Variants in MAST4 observed in about 807,000 individuals in gnomAD.
MAST4 encodes the protein microtubule associated serine/threonine kinase family member 4.
MAST4 carries 89 observed loss-of-function variants against 162.7 expected under a neutral mutation model. The ratio of observed to expected loss-of-function variants is 0.55; its 90% CI spans 0.46 to 0.65. The LOEUF is 0.65. Among genes scored for constraint, MAST4 ranks in the 30% least tolerant of loss-of-function variants. The pLI is 0.00. For synonymous variants in MAST4, 1,479 were observed against 1,361.1 expected (o/e 1.09, Z -1.91); for missense variants, 3,153 against 3,374.0 (o/e 0.93, Z 1.62).
chr5:67,049,023 G>GTATATATATATACACGTATATATATA (rs1554087410), intron 4 of MAST4, among the ~76,000 whole-genome samples: 46 of 85,506 alleles, frequency 5.4e-4, no homozygotes, highest in Non-Finnish European at 9.1e-4. Context: ...ATATATATAC[G>GTATATATATATACACGTATATATATA]TATATATATA....
chr5:67,132,372 A>G (rs1445454663), intron 16 of MAST4, among the ~76,000 whole-genome samples: 2 of 152,076 alleles, frequency 1.3e-5, no homozygotes, highest in South Asian at 4.2e-4. Context: ...ATCAGCAACA[A>G]GAGAAAAAGA....
At chr5:66,767,273 G>A (rs1754145331) in intron 2 of MAST4, among the ~76,000 whole-genome samples, 1 of 151,748 alleles carries the variant, frequency 6.6e-6, no homozygotes, top group Admixed American at 6.6e-5. Context: ...CTAGATAAGA[G>A]ATGGGGGAGC....
At chr5:66,640,821 A>G (rs977943144) in intron 1 of MAST4, among the ~76,000 whole-genome samples, 4 of 152,022 alleles carry the variant, frequency 2.6e-5, no homozygotes, top group African/African-American at 9.7e-5. Flanking sequence ...GTTTTTCATA[A>G]TGGCTGTACT....
intron 5 of MAST4, among the ~76,000 whole-genome samples, chr5:67,072,632 G>A (rs1224821037): frequency 1.3e-5 from 2 of 152,178 alleles, no homozygotes; most frequent in Non-Finnish European, 2.9e-5. Flanking sequence ...AGAGAATTCA[G>A]TGAATAAGTT....
At chr5:66,748,364 C>T (rs1432506330) in intron 1 of MAST4, among the ~76,000 whole-genome samples, 1 of 151,600 alleles carries the variant, frequency 6.6e-6, no homozygotes, top group Non-Finnish European at 1.5e-5. Context: ...AACAGAGCAG[C>T]AGGATTTATA....
intron 4 of MAST4, among the ~76,000 whole-genome samples, chr5:67,009,481 T>G (rs1177586812): frequency 6.6e-6 from 1 of 152,200 alleles, no homozygotes; most frequent in Middle Eastern, 3.2e-3. Context: ...GTTAACATCT[T>G]GACTGTATGA....
chr5:66,639,316 TAAG>T (rs912920866), intron 1 of MAST4, among the ~76,000 whole-genome samples: 5 of 65,792 alleles, frequency 7.6e-5, no homozygotes, highest in Non-Finnish European at 1.5e-4. Context: ...GTGTGTGTTT[TAAG>T]AAGAAACAGA....
rs184630275 is a variant in MAST4 at position 66,861,371 on chromosome 5, G to A, written c.643-38580G>A. 2.2e-3 allele frequency among the ~76,000 whole-genome samples: 331 copies of A among 152,336 alleles called. 5 individuals carry two copies. The highest frequency in any genetic ancestry group is 0.02 in the Admixed American group (300 of 15,306). Reference sequence around the variant, plus strand: ...CACTAATAACCAACATTTATGAAGTGTTTACTCATGCCACGGATGTGCTGA... The same window carrying A: ...CACTAATAACCAACATTTATGAAGTATTTACTCATGCCACGGATGTGCTGA... On this transcript the variant is annotated intron_variant, in intron 3 of 28. Coordinates refer to ENST00000403625, the MANE Select transcript of MAST4 (RefSeq NM_001164664.2).
At chr5:66,860,852 C>T (rs367599690) in intron 3 of MAST4, among the ~76,000 whole-genome samples, 3 of 151,306 alleles carry the variant, frequency 2.0e-5, no homozygotes, top group African/African-American at 7.3e-5. Flanking sequence ...TGCCACTAGG[C>T]GCCTGGGACA....
intron 3 of MAST4, among the ~76,000 whole-genome samples, chr5:66,832,672 T>C (rs1420140166): frequency 1.3e-5 from 2 of 152,204 alleles, no homozygotes; most frequent in East Asian, 3.8e-4. Context: ...TAATTATGGG[T>C]ATGTTTACAC....
intron 4 of MAST4, among the ~76,000 whole-genome samples, chr5:66,953,694 T>C (rs1403192548): frequency 6.6e-6 from 1 of 151,896 alleles, no homozygotes; most frequent in African/African-American, 2.4e-5. Context: ...TGCAATGAAA[T>C]CAGAATCGAC....
At chr5:66,781,227 AG>A (rs1344387771) in intron 2 of MAST4, among the ~76,000 whole-genome samples, 1 of 152,204 alleles carries the variant, frequency 6.6e-6, no homozygotes, top group African/African-American at 2.4e-5. Context: ...AGATTAAGCA[AG>A]GGAGATTTTA....
intron 1 of MAST4, among the ~76,000 whole-genome samples, chr5:66,621,668 A>T (rs1308650216): frequency 6.6e-6 from 1 of 152,202 alleles, no homozygotes; most frequent in Non-Finnish European, 1.5e-5. Flanking sequence ...ATACCAATTT[A>T]TTCATTCCTC....
intron 1 of MAST4, among the ~76,000 whole-genome samples, chr5:66,605,211 T>A (rs1335597268): frequency 6.6e-6 from 1 of 152,036 alleles, no homozygotes; most frequent in East Asian, 1.9e-4. Flanking sequence ...ATTTGAAGAG[T>A]GGCTCTGAGG....
chr5:67,121,240 G>T (rs904794822), intron 14 of MAST4, 138 bp downstream of exon 14: 1 of 601,634 alleles, frequency 1.7e-6, no homozygotes, highest in Non-Finnish European at 2.8e-6. Flanking sequence ...CCTGAGGCTT[G>T]TACTGTGCAG....
intron 3 of MAST4, among the ~76,000 whole-genome samples, chr5:66,884,787 A>G (rs1761932465): frequency 6.6e-6 from 1 of 152,218 alleles, no homozygotes; most frequent in South Asian, 2.1e-4. Flanking sequence ...AGGTCAATCA[A>G]TATATTACCT....
chr5:67,081,272 G>T lies in MAST4; in HGVS notation c.764-8890G>T, dbSNP rs1352380683. ...ATTTGGGGTGGGGGAGGTTATGTAC[G>T]TGCTTAACCCAGGAGGATACCTGTG... On this transcript the variant is annotated intron_variant, in intron 5 of 28. Coordinates refer to ENST00000403625, the MANE Select transcript of MAST4 (RefSeq NM_001164664.2). 4.0e-5 allele frequency among the ~76,000 whole-genome samples: 6 copies of T among 151,000 alleles called. No individual in the cohort carries two copies. In the East Asian group the frequency reaches 1.2e-3, roughly 29 times the overall value.
In MAST4 at chr5:66,673,590, G is replaced by A. The variant is rs188846852; in HGVS notation, c.363+76572G>A. Reference sequence around the variant, plus strand: ...CACCCAGTCTGGAGTGACGTGGCGCGATCACAGCTCACTGCAACTTCCACC... The same window carrying A: ...CACCCAGTCTGGAGTGACGTGGCGCAATCACAGCTCACTGCAACTTCCACC... On this transcript the variant is annotated intron_variant, in intron 1 of 28. Coordinates refer to ENST00000403625, the MANE Select transcript of MAST4 (RefSeq NM_001164664.2). Among the ~76,000 whole-genome samples, 277 of 147,596 alleles carry A rather than the reference G, an allele frequency of 1.9e-3. 3 individuals carry two copies. Among genetic ancestry groups the A allele is most frequent in the Non-Finnish European group, 7.3e-4 (49 of 67,314 alleles).
intron 1 of MAST4, among the ~76,000 whole-genome samples, chr5:66,655,010 G>A (rs1232606849): frequency 2.0e-5 from 3 of 151,938 alleles, no homozygotes; most frequent in Non-Finnish European, 4.4e-5. Flanking sequence ...ATAATAGCTA[G>A]TATTTATTGA....
Sources: allele counts gnomAD v4.1 joint callset (sites outside exome capture counted in the v4.1 genomes callset), GRCh38; gene constraint gnomAD v4.1.1; transcripts MANE v1.5; gene names NCBI Gene and HGNC (gene_info 2026-07-23, HGNC 2026-07-21).